Variants in PKD1L3 observed in about 807,000 individuals in gnomAD.
PKD1L3 encodes polycystin 1 like 3, transient receptor potential channel interacting.
In PKD1L3, 239 loss-of-function variants were observed where a neutral mutation model predicts 184.1. The ratio of observed to expected loss-of-function variants is 1.30; its 90% confidence interval spans 1.17 to 1.45. PKD1L3 has a LOEUF of 1.45. Among genes scored for constraint, PKD1L3 ranks in the 40% most tolerant of loss-of-function variants. The probability of loss-of-function intolerance (pLI) is 0.00; values close to 1 mark genes in which losing one functional copy is unlikely to be tolerated. For synonymous variants in PKD1L3, 996 were observed against 778.8 expected (o/e 1.28, Z -4.64); for missense variants, 2,660 against 2,067.2 (o/e 1.29, Z -5.56).
intron 13 of PKD1L3, among the ~76,000 whole-genome samples, chr16:71,968,607 A>T (rs1340739029): frequency 6.6e-6 from 1 of 152,070 alleles, no homozygotes; most frequent in Non-Finnish European, 1.5e-5. Flanking sequence ...TTATATTCTT[A>T]TTTTTTGAGA....
intron 16 of PKD1L3, among the ~76,000 whole-genome samples, chr16:71,957,106 G>A (rs1021868193): frequency 6.6e-6 from 1 of 152,072 alleles, no homozygotes; most frequent in Admixed American, 6.6e-5. Context: ...CCCAGGGGAG[G>A]CATAAAGAAA....
Position 71,982,151 on chromosome 16 carries a change from C to A in PKD1L3, c.1051G>T (p.Val351Phe). 1 of 1,551,702 alleles carries A rather than the reference C, an allele frequency of 6.4e-7. No individual in the cohort carries two copies. Among genetic ancestry groups the A allele is most frequent in the Non-Finnish European group, 8.7e-7 (1 of 1,146,906 alleles). The change falls in exon 7 of 30, where the codon GTT becomes TTT. Residue 351 changes from valine (V) to phenylalanine (F), a missense_variant. Physicochemically the swap from Val to Phe is conservative, Grantham distance 50. Coordinates refer to ENST00000620267, the MANE Select transcript of PKD1L3 (RefSeq NM_181536.2). ...TGAAAGGGGCAGACAGTTGGAGGAA[C>A]TTTGAAGCCCAGACTGTTGTTGTTC... is the stretch of plus-strand genomic sequence containing the variant. ...FQNNNSLGFK[V>F]PPTVCPFHSL...
At chr16:71,973,636 C>T in intron 11 of PKD1L3, 119 bp from the exon 12 acceptor site, 1 of 948,734 alleles carries the variant, frequency 1.1e-6, no homozygotes, top group South Asian at 1.8e-5. Flanking sequence ...AAACTAGAGT[C>T]ACAAATGATT....
At chr16:71,956,184 A>AT (rs35268514) in intron 16 of PKD1L3, among the ~76,000 whole-genome samples, 22,635 of 82,052 alleles carry the variant, frequency 0.28, 3,006 homozygotes, top group South Asian at 0.43. Flanking sequence ...AAAGGAAGGA[A>AT]TTTTTTTTTT....
chr16:71,939,727 G>A (rs1316484192), intron 24 of PKD1L3, among the ~76,000 whole-genome samples: 1 of 152,138 alleles, frequency 6.6e-6, no homozygotes, highest in Non-Finnish European at 1.5e-5. Flanking sequence ...GATGGAAAAT[G>A]GAAGGATACT....
At chr16:71,936,519 C>CTTTTTTTTTTTTT (rs397785025) in intron 25 of PKD1L3, among the ~76,000 whole-genome samples, 5 of 123,522 alleles carry the variant, frequency 4.0e-5, no homozygotes, top group Non-Finnish European at 8.3e-5. Context: ...TTTTTTTTTT[C>CTTTTTTTTTTTTT]TTTTTTTTTT....
At chr16:71,992,033 T>G (rs2040608803) in intron 3 of PKD1L3, among the ~76,000 whole-genome samples, 2 of 152,092 alleles carry the variant, frequency 1.3e-5, no homozygotes, top group African/African-American at 4.8e-5. Context: ...GTTGCCCAGG[T>G]TGGACTGGAA....
chr16:71,950,259 T>TGCA lies in PKD1L3; in HGVS notation c.3239_3241dup (p.Leu1080dup), dbSNP rs936932048. 5 of 1,551,652 alleles carry TGCA rather than the reference T, an allele frequency of 3.2e-6. No homozygotes were observed. Among genetic ancestry groups the TGCA allele is most frequent in the Non-Finnish European group, 4.4e-6 (5 of 1,146,852 alleles). ...CGTGCCTAAGTGAGATTTCAGCCTCTGCAGAACTCTATGCAGGTAACAGCA... is the reference window on the plus strand; with the variant it reads ...CGTGCCTAAGTGAGATTTCAGCCTCTGCAGCAGAACTCTATGCAGGTAACAGCA... On this transcript the variant is annotated inframe_insertion, in exon 20 of 30. Transcript: ENST00000620267.
intron 5 of PKD1L3, 66 bp downstream of exon 5, chr16:71,986,155 A>T (rs1367079558): frequency 3.9e-6 from 6 of 1,520,220 alleles, no homozygotes; most frequent in Non-Finnish European, 5.3e-6. Context: ...CAGGGAGGCA[A>T]ATGGGTGAAC....
chr16:71,934,166 G>A lies in PKD1L3; in HGVS notation c.4614-41C>T, dbSNP rs540260932. ...CTGACAGTTACTCAGCAAGAAGTAT[G>A]TGCCTATACTGCAGTTTCCCCAGCG... On this transcript the variant is annotated intron_variant, in intron 26 of 29. Transcript: ENST00000620267. 4.4e-5 allele frequency: 67 copies of A among 1,536,886 alleles called. No homozygotes were observed. The African/African-American group carries it at 8.5e-4, about 20-fold the overall frequency.
rs532620279 is a variant in PKD1L3 at position 71,966,423 on chromosome 16, C to CT, written c.2465+713dup. 1.7e-3 allele frequency among the ~76,000 whole-genome samples: 244 copies of CT among 142,494 alleles called. 2 individuals are homozygous for CT. Among genetic ancestry groups the CT allele is most frequent in the East Asian group, 1.6e-3 (8 of 4,930 alleles). 93.5% of individuals were successfully genotyped at this position (142,494 alleles called of 152,430 possible). A position where few individuals can be genotyped will look rare whatever the true frequency, so the allele number is the denominator to read the frequency against. ...TCTTTCTCCTTCCTTAAGATCTTGA[C>CT]TTTTTTTTTTTTTTCCTTCCCTCCG... On this transcript the variant is annotated intron_variant, in intron 15 of 29. Transcript: ENST00000620267.
chr16:71,997,643 G>T (rs1249329451), intron 2 of PKD1L3, among the ~76,000 whole-genome samples: 1 of 152,090 alleles, frequency 6.6e-6, no homozygotes, highest in Non-Finnish European at 1.5e-5. Context: ...AGCTACTAGG[G>T]AGGCTGAGGC....
chr16:71,957,887 G>A (rs1405509653), intron 16 of PKD1L3, among the ~76,000 whole-genome samples: 1 of 152,158 alleles, frequency 6.6e-6, no homozygotes. Flanking sequence ...TTATTAAAGG[G>A]TCAATTAAGA....
chr16:71,956,184 A>ATTTTT (rs35268514), intron 16 of PKD1L3, among the ~76,000 whole-genome samples: 4,217 of 82,624 alleles, frequency 0.051, 370 homozygotes, highest in African/African-American at 0.16. Context: ...AAAGGAAGGA[A>ATTTTT]TTTTTTTTTT....
At chr16:71,939,044 G>C (rs1383570773) in intron 24 of PKD1L3, among the ~76,000 whole-genome samples, 1 of 152,234 alleles carries the variant, frequency 6.6e-6, no homozygotes, top group Non-Finnish European at 1.5e-5. Flanking sequence ...CCAGGGCTGT[G>C]ACACCCTCTT....
intron 29 of PKD1L3, 30 bp downstream of exon 29, chr16:71,930,022 A>C: frequency 6.5e-7 from 1 of 1,538,138 alleles, no homozygotes; most frequent in Non-Finnish European, 8.8e-7. Context: ...GTGATATAAC[A>C]GCATGCTAGT....
rs576667056 is a variant in PKD1L3 at position 71,954,180 on chromosome 16, G to A, written c.2734C>T (p.Leu912=). 444 of 1,551,778 alleles carry A rather than the reference G, an allele frequency of 2.9e-4. 1 individual carries two copies. Among genetic ancestry groups the A allele is most frequent in the Middle Eastern group, 8.3e-4 (5 of 5,994 alleles). The change falls in exon 17 of 30, where the codon CTG becomes TTG. Residue 912 remains leucine, a synonymous_variant. Coordinates refer to ENST00000620267, the MANE Select transcript of PKD1L3 (RefSeq NM_181536.2). ...RVQRLSCCMT[L]LLCNMVINVM... ...TTGATGACCATGTTGCAGAGTAGCA[G>A]TGTCATGCAGCAAGACAGCCGTTGG...
In PKD1L3 at chr16:71,978,002, G is replaced by A. The variant is rs75480232; in HGVS notation, c.1527+253C>T. 2.1e-4 allele frequency among the ~76,000 whole-genome samples: 32 copies of A among 152,104 alleles called. No homozygotes were observed. The East Asian group carries it at 5.0e-3, about 24-fold the overall frequency. Reference sequence around the variant, plus strand: ...TTGGCCAGGCTGGTCTCGAACTCCTGACCTCAAGTGATCTGCCTGCCTCAG... The same window carrying A: ...TTGGCCAGGCTGGTCTCGAACTCCTAACCTCAAGTGATCTGCCTGCCTCAG... On this transcript the variant is annotated intron_variant, in intron 10 of 29. Coordinates refer to ENST00000620267, the MANE Select transcript of PKD1L3 (RefSeq NM_181536.2).
chr16:71,953,731 C>T (rs1448010540), intron 17 of PKD1L3, among the ~76,000 whole-genome samples: 1 of 152,108 alleles, frequency 6.6e-6, no homozygotes, highest in African/African-American at 2.4e-5. Flanking sequence ...AACTCACTAT[C>T]ATGGGAAAAG....
Sources: gnomAD v4.1 joint callset for allele counts (sites outside exome capture counted in the v4.1 genomes callset) on GRCh38, gnomAD v4.1.1 for gene constraint, MANE v1.5 for transcripts, NCBI Gene and HGNC (gene_info 2026-07-23, HGNC 2026-07-21) for gene names.